NPL: variants seen among roughly 807,000 people sequenced by gnomAD.
The protein encoded by NPL is N-acetylneuraminate pyruvate lyase.
A neutral mutation model predicts 41.1 loss-of-function variants in NPL; 32 were observed. That is an observed-to-expected ratio of 0.78 (90% CI 0.59 to 1.05). The LOEUF (loss-of-function observed/expected upper bound fraction) is 1.05. Ranked by LOEUF, NPL falls within the 50% of genes least tolerant of loss-of-function variation. The probability of loss-of-function intolerance (pLI) is 0.00; values close to 1 mark genes in which losing one functional copy is unlikely to be tolerated. For synonymous variants in NPL, 128 were observed against 134.9 expected (o/e 0.95, Z 0.35); for missense variants, 321 against 378.4 (o/e 0.85, Z 1.26).
chr1:182,816,116 T>C (rs1443664918), intron 7 of NPL, among the ~76,000 whole-genome samples: 1 of 152,190 alleles, frequency 6.6e-6, no homozygotes, highest in African/African-American at 2.4e-5. Context: ...TCTGCAGTAG[T>C]GTTGCAGGCG....
rs1362812214 is a variant in NPL, at chr1:182,828,884, T to G, written c.939T>G (p.Asp313Glu). The change falls in exon 13 of 13, where the codon GAT (aspartate) becomes GAG (glutamate). Residue 313 changes from aspartate to glutamate, a missense_variant. Asp to Glu is a conservative substitution (Grantham distance 45). Transcript: ENST00000367553. This position sits in a 1 kb window ranked among gnomAD's most constrained non-coding sequence, Gnocchi z 4.0. ...LDFLSFTDLKDGNLEAGS is the reference protein window; with the variant it reads ...LDFLSFTDLKEGNLEAGS ...TCCTTTCTTTCACTGATTTAAAGGA[T>G]GGAAACTTGGAAGCTGGTAGCTAGT... 6.2e-7 allele frequency: 1 copy of G among 1,614,180 alleles called. No homozygotes were observed. Among genetic ancestry groups the G allele is most frequent in the East Asian group, 2.2e-5 (1 of 44,888 alleles).
chr1:182,792,451 A>G (rs1666541963), intron 2 of NPL, among the ~76,000 whole-genome samples, 165 bp downstream of exon 2: 1 of 152,204 alleles, frequency 6.6e-6, no homozygotes, highest in Admixed American at 6.5e-5. Context: ...CATAGCATCA[A>G]TCTCCTTTGA....
intron 1 of NPL, among the ~76,000 whole-genome samples, chr1:182,791,744 G>A (rs962379235): frequency 6.6e-6 from 1 of 152,164 alleles, no homozygotes; most frequent in African/African-American, 2.4e-5. Flanking sequence ...TCAAATAAAT[G>A]CAGGCAAAAG....
At chr1:182,819,990 T>C (rs73065400) in intron 10 of NPL, among the ~76,000 whole-genome samples, 12,377 of 152,290 alleles carry the variant, frequency 0.081, 1,352 homozygotes, top group African/African-American at 0.25. Flanking sequence ...GATTATCTTC[T>C]ATATGTGGTT....
rs1667196671 is a variant in NPL at position 182,812,199 on chromosome 1, G to A, written c.274G>A (p.Glu92Lys). The A allele has an allele frequency of 5.0e-6, 8 of 1,613,820 alleles. No homozygotes were observed. Among genetic ancestry groups the A allele is most frequent in the Non-Finnish European group, 5.1e-6 (6 of 1,179,706 alleles). ...IIHVGALSLK[E>K]SQELAQHAAE... Reference sequence around the variant, plus strand: ...TCACGTAGGAGCACTGAGCTTGAAGGAGTCACAGGAACTGGTATGTATGCA... The same window carrying A: ...TCACGTAGGAGCACTGAGCTTGAAGAAGTCACAGGAACTGGTATGTATGCA... The change falls in exon 6 of 13, where the codon GAG (glutamate) becomes AAG (lysine). Residue 92 changes from glutamate to lysine, a missense_variant. Transcript: ENST00000367553.
intron 6 of NPL, 57 bp downstream of exon 6, chr1:182,812,270 G>T (rs551653057): frequency 6.8e-7 from 1 of 1,472,128 alleles, no homozygotes; most frequent in African/African-American, 1.4e-5. Context: ...TTTTTATGCC[G>T]CAGTTAAAAT....
intron 8 of NPL, 86 bp from the exon 9 acceptor site, chr1:182,818,455 G>T: frequency 1.3e-6 from 2 of 1,550,184 alleles, no homozygotes; most frequent in South Asian, 2.2e-5. Context: ...GCAGCGTGTG[G>T]CAGCTCACTG....
chr1:182,792,213 C>G lies in NPL; in HGVS notation c.-71-19C>G, dbSNP rs1666534770. On this transcript the variant is annotated intron_variant, in intron 1 of 12. Transcript: ENST00000367553. ...CTCTCAACCCTATGAAATATAATTA[C>G]TATTATCCTCATTTACAGAAGGGGA... 1 of 152,186 alleles carries G rather than the reference C, an allele frequency of 6.6e-6. No homozygotes were observed. The highest frequency in any genetic ancestry group is 2.4e-5 in the African/African-American group (1 of 41,444). 9.4% of individuals were successfully genotyped at this position (152,186 alleles called of 1,614,324 possible). A position where few individuals can be genotyped will look rare whatever the true frequency, so the allele number is the denominator to read the frequency against.
chr1:182,799,593 A>T (rs76714551), intron 3 of NPL, among the ~76,000 whole-genome samples: 8 of 148,774 alleles, frequency 5.4e-5, no homozygotes, highest in African/African-American at 2.0e-4. Flanking sequence ...TCCTGTAATT[A>T]AAAAAAAAAG....
rs758112340 is a variant in NPL, at chr1:182,818,629, C to T, written c.546C>T (p.Phe182=). 14 of 1,614,114 alleles carry T rather than the reference C, an allele frequency of 8.7e-6. No individual in the cohort carries two copies. The highest frequency in any genetic ancestry group is 1.0e-5 in the Non-Finnish European group (12 of 1,180,054). ...TCAGTGATACAGATCTCTTAGACTT[C>T]GGGCAATGTGTTGATCAGAATCGCC... is the stretch of plus-strand genomic sequence containing the variant. ...LKFSDTDLLD[F]GQCVDQNRQQ... The change falls in exon 9 of 13, where the codon TTC becomes TTT. Residue 182 remains phenylalanine, a synonymous_variant. Transcript: ENST00000367553.
At chr1:182,804,590 T>C (rs1666950348) in intron 4 of NPL, among the ~76,000 whole-genome samples, 2 of 152,224 alleles carry the variant, frequency 1.3e-5, no homozygotes, top group Non-Finnish European at 2.9e-5. Flanking sequence ...ATCTTGAACA[T>C]TTTAAGCCTG....
chr1:182,808,430 T>G (rs56194375), intron 5 of NPL, among the ~76,000 whole-genome samples: 1 of 152,038 alleles, frequency 6.6e-6, no homozygotes, highest in Non-Finnish European at 1.5e-5. Context: ...GAAGCCAGAC[T>G]GCAGTTGAGT....
At chr1:182,812,022 T>C in intron 5 of NPL, 134 bp from the exon 6 acceptor site, 1 of 798,242 alleles carries the variant, frequency 1.3e-6, no homozygotes, top group Non-Finnish European at 2.2e-6. Context: ...AGATTAAATA[T>C]ATTGCTATAG....
chr1:182,829,588 C>A lies in NPL; in HGVS notation c.*680C>A, dbSNP rs1356486150. 1 of 1,546,930 alleles carries A rather than the reference C, an allele frequency of 6.5e-7. No homozygotes were observed. Among genetic ancestry groups the A allele is most frequent in the South Asian group, 1.2e-5 (1 of 83,902 alleles). On this transcript the variant is annotated 3_prime_UTR_variant, in exon 13 of 13. Coordinates refer to ENST00000367553, the MANE Select transcript of NPL (RefSeq NM_030769.3). ...CCCCAAAGATGAATTTAAGTCTCCACTTTTTTCTATACAGAAAACTCAAAA... is the reference window on the plus strand; with the variant it reads ...CCCCAAAGATGAATTTAAGTCTCCAATTTTTTCTATACAGAAAACTCAAAA...
At chr1:182,803,241 C>T (rs1283486453) in intron 3 of NPL, among the ~76,000 whole-genome samples, 1 of 152,172 alleles carries the variant, frequency 6.6e-6, no homozygotes, top group African/African-American at 2.4e-5. Context: ...CAAGAAGGGA[C>T]AGGCCAGGCA....
At chr1:182,790,322 T>C (rs6691274) in intron 1 of NPL, among the ~76,000 whole-genome samples, 23,258 of 152,188 alleles carry the variant, frequency 0.15, 3,159 homozygotes, top group African/African-American at 0.36. Context: ...CTTTAATTCT[T>C]TGCACTGAGT....
intron 10 of NPL, 116 bp from the exon 11 acceptor site, chr1:182,821,999 A>G (rs550622963): frequency 5.3e-6 from 4 of 750,076 alleles, no homozygotes; most frequent in South Asian, 4.4e-5. Flanking sequence ...GGATTCAAAA[A>G]CAGACTTTAG....
At chr1:182,815,367 T>TCCC (rs1667294714) in intron 7 of NPL, among the ~76,000 whole-genome samples, 6 of 152,350 alleles carry the variant, frequency 3.9e-5, no homozygotes, top group African/African-American at 1.4e-4. Context: ...TGTCTAAGTA[T>TCCC]ACCAAGTCTT....
At chr1:182,803,812 A>C (rs1419340970) in intron 4 of NPL, 41 bp downstream of exon 4, 85 of 1,339,788 alleles carry the variant, frequency 6.3e-5, no homozygotes, top group Non-Finnish European at 8.8e-5. Flanking sequence ...TCTCCAGCTC[A>C]GTCTTTAGAA....
Sources: allele counts gnomAD v4.1 joint callset (sites outside exome capture counted in the v4.1 genomes callset), GRCh38; gene constraint gnomAD v4.1.1; non-coding constraint Gnocchi (gnomAD v3.1); transcripts MANE v1.5; gene names NCBI Gene and HGNC (gene_info 2026-07-23, HGNC 2026-07-21).